MACC1: variants seen among roughly 807,000 people sequenced by gnomAD.
MACC1 encodes metastasis-associated in colon cancer protein 1.
A neutral mutation model predicts 70.7 loss-of-function variants in MACC1; 79 were observed. The ratio of observed to expected loss-of-function variants is 1.12; its 90% CI spans 0.93 to 1.35. The LOEUF (loss-of-function observed/expected upper bound fraction) is 1.35, where lower values mean the gene tolerates loss of function less well. Among genes scored for constraint, MACC1 ranks in the 40% most tolerant of loss-of-function variants. The probability of loss-of-function intolerance (pLI) is 0.00; values close to 1 mark genes in which losing one functional copy is unlikely to be tolerated. For missense variants in MACC1, 1,106 were observed against 978.1 expected (o/e 1.13, Z -1.74); for synonymous variants, 361 against 347.2 (o/e 1.04, Z -0.44).
chr7:20,200,908 T>C (rs1782823960), intron 1 of MACC1, among the ~76,000 whole-genome samples: 1 of 152,226 alleles, frequency 6.6e-6, no homozygotes, highest in South Asian at 2.1e-4. Flanking sequence ...ACATTTTTAA[T>C]ATCATTTTGC....
chr7:20,147,492 A>T (rs942150851), intron 6 of MACC1: 2 of 152,246 alleles, frequency 1.3e-5, no homozygotes, highest in African/African-American at 4.8e-5. Context: ...CTTCTTAATG[A>T]TTATTTCATG....
rs1238470360 is a variant in MACC1, at chr7:20,140,916, T to A, written c.*30A>T. The stretch of plus-strand genomic sequence containing the variant: ...ACACACACACACCATTACCTCATTT[T>A]CCCTCCCATCAAAAACACACGCTTT... On this transcript the variant is annotated 3_prime_UTR_variant, in exon 7 of 7. Coordinates refer to ENST00000400331, the MANE Select transcript of MACC1 (RefSeq NM_182762.4). 5 of 1,553,556 alleles carry A rather than the reference T, an allele frequency of 3.2e-6. No individual in the cohort carries two copies. Among genetic ancestry groups the A allele is most frequent in the Non-Finnish European group, 3.5e-6 (4 of 1,133,866 alleles).
In MACC1 at chr7:20,138,713, C is replaced by CCCAGG. The variant is rs1246196314; in HGVS notation, c.*2228_*2232dup. On this transcript the variant is annotated 3_prime_UTR_variant, in exon 7 of 7. Transcript: ENST00000400331. ...TTTTTTTTTTTGAGACAGCCTGTCACCCAGGCTGGAGTGCAGTGGCATGAA... is the reference window on the plus strand; with the variant it reads ...TTTTTTTTTTTGAGACAGCCTGTCACCCAGGCCAGGCTGGAGTGCAGTGGCATGAA... 2 of 151,582 alleles carry CCCAGG rather than the reference C, an allele frequency of 1.3e-5. No individual in the cohort carries two copies. Among genetic ancestry groups the CCCAGG allele is most frequent in the Non-Finnish European group, 2.9e-5 (2 of 67,970 alleles). The allele number at this position is 151,582 out of a possible 1,614,324, so 9.4% of individuals were successfully genotyped here. A position where few individuals can be genotyped will look rare whatever the true frequency, so the allele number is the denominator to read the frequency against.
intron 1 of MACC1, among the ~76,000 whole-genome samples, chr7:20,186,339 A>G (rs550330842): frequency 4.5e-4 from 69 of 152,328 alleles, no homozygotes; most frequent in African/African-American, 1.6e-3. Context: ...CTTTCAACAG[A>G]AAAATTGGTC....
intron 1 of MACC1, among the ~76,000 whole-genome samples, chr7:20,207,541 A>G (rs1314068175): frequency 1.3e-5 from 2 of 152,184 alleles, no homozygotes; most frequent in Non-Finnish European, 2.9e-5. Flanking sequence ...CAAATTCTAG[A>G]AATTTATCTT....
intron 1 of MACC1, among the ~76,000 whole-genome samples, chr7:20,178,260 TTCACACACACAC>T (rs1157636227): frequency 1.3e-5 from 1 of 75,272 alleles, no homozygotes; most frequent in African/African-American, 4.7e-5. Context: ...TTAATCTTAT[TTCACACACACAC>T]ACACACACAC....
intron 2 of MACC1, among the ~76,000 whole-genome samples, chr7:20,169,373 C>CA (rs1782267352): frequency 6.6e-6 from 1 of 152,094 alleles, no homozygotes; most frequent in African/African-American, 2.4e-5. Flanking sequence ...CCCTTCAGTG[C>CA]AAAAAACGTG....
intron 1 of MACC1, among the ~76,000 whole-genome samples, chr7:20,206,248 G>A (rs1297692901): frequency 2.6e-5 from 4 of 151,736 alleles, no homozygotes; most frequent in East Asian, 1.9e-4. Flanking sequence ...CCCATAGTGA[G>A]GACAGTCATC....
intron 6 of MACC1, among the ~76,000 whole-genome samples, chr7:20,152,473 T>C (rs905353140): frequency 6.6e-6 from 1 of 152,190 alleles, no homozygotes; most frequent in Non-Finnish European, 1.5e-5. Flanking sequence ...TTAAGTGACC[T>C]CGTACGTAAG....
intron 1 of MACC1, among the ~76,000 whole-genome samples, chr7:20,203,315 G>A (rs1262937932): frequency 6.6e-6 from 1 of 152,026 alleles, no homozygotes; most frequent in African/African-American, 2.4e-5. Context: ...CTCTTCCATC[G>A]CCCAACTAAC....
intron 2 of MACC1, among the ~76,000 whole-genome samples, chr7:20,167,326 G>C (rs1367870064): frequency 1.3e-5 from 2 of 151,934 alleles, no homozygotes; most frequent in Admixed American, 1.3e-4. Context: ...CTCCTGAGTA[G>C]CCAGGACTAC....
intron 1 of MACC1, among the ~76,000 whole-genome samples, chr7:20,180,153 T>C (rs957171896): frequency 3.3e-5 from 5 of 152,194 alleles, no homozygotes; most frequent in Non-Finnish European, 2.9e-5. Context: ...TTCAAAAATA[T>C]ATAGGCAATG....
intron 2 of MACC1, chr7:20,170,147 T>G (rs1347228436): frequency 6.6e-6 from 1 of 152,202 alleles, no homozygotes; most frequent in Admixed American, 6.5e-5. Context: ...TCTTTGAAAA[T>G]AGACAGACGT....
At chr7:20,164,689 A>T (rs982577402) in intron 2 of MACC1, among the ~76,000 whole-genome samples, 7 of 152,198 alleles carry the variant, frequency 4.6e-5, no homozygotes, top group African/African-American at 1.7e-4. Context: ...GCTGTGGTTG[A>T]TTTTACCAAA....
At chr7:20,185,492 T>C (rs78782116) in intron 1 of MACC1, among the ~76,000 whole-genome samples, 1 of 124,394 alleles carries the variant, frequency 8.0e-6, no homozygotes, top group East Asian at 2.0e-4. Flanking sequence ...AAAAAAAAAA[T>C]TTTTTTTCTT....
chr7:20,198,286 TA>T (rs1180676338), intron 1 of MACC1, among the ~76,000 whole-genome samples: 3 of 152,332 alleles, frequency 2.0e-5, no homozygotes, highest in Non-Finnish European at 2.9e-5. Context: ...AACCAGGCAC[TA>T]AACTGGTGCC....
intron 6 of MACC1, among the ~76,000 whole-genome samples, chr7:20,143,617 C>T (rs1245459673): frequency 6.6e-6 from 1 of 151,878 alleles, no homozygotes; most frequent in Non-Finnish European, 1.5e-5. Context: ...TCTTGATCTC[C>T]TGACCTCATG....
chr7:20,195,157 G>C (rs895189775), intron 1 of MACC1, among the ~76,000 whole-genome samples: 9 of 151,786 alleles, frequency 5.9e-5, no homozygotes, highest in African/African-American at 2.2e-4. Context: ...GGGAAACTTG[G>C]TCTGGGTTTT....
At position 20,192,645 on chromosome 7, in the gene MACC1, G is replaced by A. The variant is rs1562598434; in HGVS notation, c.-217-21867C>T. On this transcript the variant is annotated intron_variant, in intron 1 of 6. Transcript: ENST00000400331. ...AACTAGATCTCTCAGCCACCAAATT[G>A]TGAAATATAATACAACCATTGTTTT... is the stretch of plus-strand genomic sequence containing the variant. Among the ~76,000 whole-genome samples the A allele has an allele frequency of 2.6e-5, 4 of 152,318 alleles. No individual in the cohort carries two copies. In the South Asian group the frequency reaches 6.2e-4, roughly 24 times the overall value.
Sources: gnomAD v4.1 joint callset for allele counts (sites outside exome capture counted in the v4.1 genomes callset) on GRCh38, gnomAD v4.1.1 for gene constraint, MANE v1.5 for transcripts, NCBI Gene and HGNC (gene_info 2026-07-23, HGNC 2026-07-21) for gene names.